PDE10A: variants seen among roughly 807,000 people sequenced by gnomAD.
PDE10A encodes the protein phosphodiesterase 10A.
A neutral mutation model predicts 97.7 loss-of-function variants in PDE10A; 39 were observed. That is an observed-to-expected ratio of 0.40 (90% CI 0.31 to 0.52). The LOEUF (loss-of-function observed/expected upper bound fraction) is 0.52, where lower values mean the gene tolerates loss of function less well. PDE10A is among the 20% of genes least tolerant of loss of function. The pLI is 0.56. For synonymous variants in PDE10A, 371 were observed against 376.8 expected (o/e 0.98, Z 0.18); for missense variants, 731 against 1,047.8 (o/e 0.70, Z 4.17).
At chr6:165,608,262 T>TC (rs1787320719) in intron 1 of PDE10A, among the ~76,000 whole-genome samples, 1 of 56,258 alleles carries the variant, frequency 1.8e-5, no homozygotes, top group Non-Finnish European at 3.3e-5. Context: ...CCCTCCCCCC[T>TC]CCCCCACCCC....
chr6:165,770,588 T>A (rs1425289249), intron 1 of PDE10A, among the ~76,000 whole-genome samples: 2 of 152,204 alleles, frequency 1.3e-5, no homozygotes, highest in Non-Finnish European at 2.9e-5. Flanking sequence ...CAGCCTGGAC[T>A]GCTACTTGCC....
At chr6:165,358,649 T>C (rs529674522) in intron 18 of PDE10A, among the ~76,000 whole-genome samples, 28 of 152,112 alleles carry the variant, frequency 1.8e-4, no homozygotes, top group Admixed American at 1.5e-3. Context: ...TTCTGGCTAA[T>C]TCAGATATTC....
chr6:165,333,982 C>T (rs754666314), intron 21 of PDE10A, among the ~76,000 whole-genome samples: 2 of 152,204 alleles, frequency 1.3e-5, no homozygotes, highest in Non-Finnish European at 2.9e-5. Flanking sequence ...ATAGACAAAA[C>T]CCTAAAATAT....
chr6:165,844,776 G>A (rs1780363922), intron 1 of PDE10A, among the ~76,000 whole-genome samples: 1 of 152,214 alleles, frequency 6.6e-6, no homozygotes, highest in African/African-American at 2.4e-5. Context: ...ATAACAGCAT[G>A]ATAATACCAG....
At chr6:165,381,963 T>C (rs1457972192) in intron 17 of PDE10A, among the ~76,000 whole-genome samples, 1 of 152,092 alleles carries the variant, frequency 6.6e-6, no homozygotes, top group Non-Finnish European at 1.5e-5. Context: ...TATACACCAA[T>C]TGATAATTTT....
intron 1 of PDE10A, among the ~76,000 whole-genome samples, chr6:165,916,492 G>A (rs1397735056): frequency 6.6e-6 from 1 of 152,204 alleles, no homozygotes; most frequent in African/African-American, 2.4e-5. Context: ...TTATGAGATG[G>A]TAATAAGGTC....
chr6:165,834,126 C>A (rs905631495), intron 1 of PDE10A, among the ~76,000 whole-genome samples: 12 of 152,192 alleles, frequency 7.9e-5, no homozygotes, highest in African/African-American at 2.7e-4. Context: ...GTAGGTGTGG[C>A]AACACCTGGG....
In PDE10A at chr6:165,896,776, G is replaced by A. The variant is rs549920705; in HGVS notation, c.-615+90753C>T. The stretch of plus-strand genomic sequence containing the variant: ...CCTGACCTCGTGATCCACCTGTCTC[G>A]GCCTCCCAAAGTGCTGGGATTACAT... On this transcript the variant is annotated intron_variant, in intron 1 of 19. Coordinates refer to the PDE10A transcript ENST00000366882. 2.6e-5 allele frequency among the ~76,000 whole-genome samples: 4 copies of A among 152,024 alleles called. No homozygotes were observed. In the South Asian group the frequency reaches 6.2e-4, roughly 24 times the overall value.
rs1436911051 is a variant in PDE10A at position 165,329,057 on chromosome 6, T to G, written c.*3968A>C. ...TTGCAGTAGAAGAGATCCACTATAG[T>G]GACTAAATGAATATAGTCTTTAAAG... On this transcript the variant is annotated 3_prime_UTR_variant, in exon 22 of 22. Transcript: ENST00000539869. The G allele has an allele frequency of 6.6e-6, 1 of 152,226 alleles. No homozygotes were observed. Among genetic ancestry groups the G allele is most frequent in the African/African-American group, 2.4e-5 (1 of 41,458 alleles). The allele number at this position is 152,226 out of a possible 1,614,324, so 9.4% of individuals were successfully genotyped here.
At chr6:165,436,000 C>G (rs1789987271) in intron 5 of PDE10A, among the ~76,000 whole-genome samples, 1 of 152,252 alleles carries the variant, frequency 6.6e-6, no homozygotes, top group Non-Finnish European at 1.5e-5. Context: ...TGTCCTGAAA[C>G]TATTTTAAAA....
intron 1 of PDE10A, among the ~76,000 whole-genome samples, chr6:165,704,311 G>A (rs1157839638): frequency 6.6e-6 from 1 of 152,088 alleles, no homozygotes; most frequent in Non-Finnish European, 1.5e-5. Context: ...AACAAAGGAG[G>A]AGCACGTGGG....
chr6:165,663,432 G>A (rs889437019), upstream of PDE10A, among the ~76,000 whole-genome samples: 54 of 152,318 alleles, frequency 3.5e-4, no homozygotes, highest in Middle Eastern at 6.8e-3. Context: ...TCACATCTGG[G>A]TCCGGTGTTT....
In PDE10A at chr6:165,626,906, C is replaced by T. The variant is rs566662263; in HGVS notation, c.865+35041G>A. ...CTTCTGGACCTAAGGATTTATGACACGGGCTTAGTTTAGATGTCTGTAATT... is the reference window on the plus strand; with the variant it reads ...CTTCTGGACCTAAGGATTTATGACATGGGCTTAGTTTAGATGTCTGTAATT... On this transcript the variant is annotated intron_variant, in intron 1 of 21. Coordinates refer to ENST00000539869, the MANE Select transcript of PDE10A (RefSeq NM_001385079.1). Among the ~76,000 whole-genome samples, 13 of 152,250 alleles carry T rather than the reference C, an allele frequency of 8.5e-5. No individual in the cohort carries two copies. The East Asian group carries it at 1.2e-3, about 14-fold the overall frequency.
chr6:165,903,946 C>G (rs1782189363), intron 1 of PDE10A, among the ~76,000 whole-genome samples: 2 of 152,116 alleles, frequency 1.3e-5, no homozygotes, highest in Admixed American at 1.3e-4. Flanking sequence ...CACTGGGGAC[C>G]ATAACAAGGT....
At chr6:165,578,073 G>T (rs1052689656) in intron 1 of PDE10A, among the ~76,000 whole-genome samples, 25 of 152,180 alleles carry the variant, frequency 1.6e-4, no homozygotes, top group Admixed American at 1.2e-3. Context: ...GTACAAGCAG[G>T]AAGTTCCTGC....
chr6:165,360,446 G>A (rs963010242), intron 18 of PDE10A, among the ~76,000 whole-genome samples: 2 of 152,164 alleles, frequency 1.3e-5, no homozygotes, highest in Non-Finnish European at 2.9e-5. Context: ...AAATGTAGGA[G>A]TTCATATGTT....
intron 3 of PDE10A, among the ~76,000 whole-genome samples, chr6:165,468,682 A>C (rs1405448032): frequency 6.6e-6 from 1 of 152,236 alleles, no homozygotes; most frequent in African/African-American, 2.4e-5. Context: ...GGGGAGGGGA[A>C]CAGATAAACA....
intron 1 of PDE10A, among the ~76,000 whole-genome samples, chr6:165,874,370 A>G (rs1466564610): frequency 1.6e-5 from 1 of 64,226 alleles, no homozygotes; most frequent in African/African-American, 5.5e-5. Flanking sequence ...CTTATTTCGC[A>G]TTAGAAAAAA....
chr6:165,571,331 A>T (rs956947387), intron 1 of PDE10A, among the ~76,000 whole-genome samples: 1 of 152,202 alleles, frequency 6.6e-6, no homozygotes, highest in Admixed American at 6.5e-5. Context: ...TGGAGAAGCA[A>T]ACACCATGAA....
Sources: gnomAD v4.1 joint callset for allele counts (sites outside exome capture counted in the v4.1 genomes callset) on GRCh38, gnomAD v4.1.1 for gene constraint, MANE v1.5 for transcripts, NCBI Gene and HGNC (gene_info 2026-07-23, HGNC 2026-07-21) for gene names.